The following MTOR variants were observed in gnomAD, a reference collection of about 807,000 sequenced individuals.
MTOR encodes the protein mechanistic target of rapamycin kinase.
MTOR carries 70 observed loss-of-function variants against 319.8 expected under a neutral mutation model. The observed-to-expected ratio is 0.22, with a 90% CI of 0.18 to 0.27. The LOEUF (loss-of-function observed/expected upper bound fraction) is 0.27. Among genes scored for constraint, MTOR ranks in the 10% least tolerant of loss-of-function variants. The probability of loss-of-function intolerance (pLI) is 1.00; values close to 1 mark genes in which losing one functional copy is unlikely to be tolerated. For missense variants in MTOR, 1,890 were observed against 3,274.4 expected (o/e 0.58, Z 10.32); for synonymous variants, 1,183 against 1,211.4 (o/e 0.98, Z 0.49).
chr1:11,117,167 G>T, intron 49 of MTOR, 81 bp from the exon 50 acceptor site: 1 of 1,209,934 alleles, frequency 8.3e-7, no homozygotes, highest in Non-Finnish European at 1.2e-6. Context: ...GCTGTCTTTG[G>T]TTTGTACTTT....
intron 13 of MTOR, among the ~76,000 whole-genome samples, chr1:11,236,548 G>A (rs1242151969): frequency 7.3e-6 from 1 of 136,366 alleles, no homozygotes; most frequent in Admixed American, 7.5e-5. Flanking sequence ...TCGCTCTGTC[G>A]CCAGGCTGGA....
chr1:11,213,020 C>G, intron 21 of MTOR, 112 bp from the exon 22 acceptor site: 1 of 774,846 alleles, frequency 1.3e-6, no homozygotes, highest in Non-Finnish European at 2.2e-6. Context: ...TGGGAAAACT[C>G]TTTATTAAAT....
At chr1:11,143,907 A>G (rs1643830147) in intron 34 of MTOR, 1 of 152,164 alleles carries the variant, frequency 6.6e-6, no homozygotes, top group African/African-American at 2.4e-5. Context: ...GAATGGGATA[A>G]CTGGCCATCC....
At chr1:11,123,939 C>T (rs1642679762) in intron 47 of MTOR, among the ~76,000 whole-genome samples, 1 of 152,126 alleles carries the variant, frequency 6.6e-6, no homozygotes, top group South Asian at 2.1e-4. Context: ...AGGTGGCCGC[C>T]ACCACGCCCA....
At chr1:11,154,248 T>C (rs2100554105) in intron 30 of MTOR, among the ~76,000 whole-genome samples, 1 of 151,394 alleles carries the variant, frequency 6.6e-6, no homozygotes, top group South Asian at 2.1e-4. Flanking sequence ...ACATGCTTCC[T>C]AAATTTATTG....
intron 6 of MTOR, among the ~76,000 whole-genome samples, chr1:11,250,042 G>T (rs1271792477): frequency 7.3e-6 from 1 of 136,448 alleles, no homozygotes; most frequent in African/African-American, 2.7e-5. Flanking sequence ...CTGGCCGGGC[G>T]GGGGGCTGAC....
At chr1:11,130,991 G>A (rs1643121701) in intron 38 of MTOR, 1 of 630,932 alleles carries the variant, frequency 1.6e-6, no homozygotes. Context: ...CGTACTATGA[G>A]TGCACTGCGA....
At chr1:11,220,886 G>T (rs947389227) in intron 19 of MTOR, among the ~76,000 whole-genome samples, 2 of 152,054 alleles carry the variant, frequency 1.3e-5, no homozygotes, top group African/African-American at 4.8e-5. Context: ...AAGGAAGGAA[G>T]AAAACGAGGT....
chr1:11,257,978 C>T (rs1650636431), intron 3 of MTOR, among the ~76,000 whole-genome samples: 1 of 151,970 alleles, frequency 6.6e-6, no homozygotes, highest in African/African-American at 2.4e-5. Flanking sequence ...GGCATGGTGG[C>T]AGGTGCCTGT....
intron 15 of MTOR, among the ~76,000 whole-genome samples, chr1:11,232,783 G>A (rs1314942350): frequency 6.6e-6 from 1 of 152,130 alleles, no homozygotes; most frequent in African/African-American, 2.4e-5. Flanking sequence ...GGTGAGGCAC[G>A]AGAATCACTT....
Position 11,259,374 on chromosome 1 carries a change from A to T in MTOR, c.36T>A (p.Ala12=). 3 of 1,597,116 alleles carry T rather than the reference A, an allele frequency of 1.9e-6. No homozygotes were observed. The highest frequency in any genetic ancestry group is 1.4e-5 in the African/African-American group (1 of 73,904). The change falls in exon 2 of 58, where the codon GCT becomes GCA. Residue 12 remains alanine, a synonymous_variant. Coordinates refer to ENST00000361445, the MANE Select transcript of MTOR (RefSeq NM_004958.4). ...CGCTCACATTGCTAGATGTGGTGGCAGCGGTGGTGGCGGCGGCAGGTCCGG... is the reference window on the plus strand; with the variant it reads ...CGCTCACATTGCTAGATGTGGTGGCTGCGGTGGTGGCGGCGGCAGGTCCGG... ...LGTGPAAATT[A]ATTSSNVSVL... is the part of the protein sequence containing the mutation.
At chr1:11,116,913 A>G in intron 50 of MTOR, 91 bp downstream of exon 50, 1 of 938,344 alleles carries the variant, frequency 1.1e-6, no homozygotes, top group South Asian at 1.6e-5. Flanking sequence ...TTTACCAAAA[A>G]GCCATATATT....
intron 19 of MTOR, among the ~76,000 whole-genome samples, chr1:11,221,759 CTA>C (rs1646670512): frequency 6.8e-6 from 1 of 146,676 alleles, no homozygotes; most frequent in African/African-American, 2.6e-5. Context: ...TAGAAATACT[CTA>C]TATAGAGAGC....
At chr1:11,259,498 C>A (rs1650835521) in intron 1 of MTOR, 75 bp from the exon 2 acceptor site, 2 of 1,443,698 alleles carry the variant, frequency 1.4e-6, no homozygotes, top group South Asian at 1.4e-5. Flanking sequence ...CCTGGTCACC[C>A]AACACAGATC....
In MTOR at chr1:11,158,261, T is replaced by C. The variant is rs118096707; in HGVS notation, c.4330-970A>G. ...TGATTCTGCAGTGAAATTTGTATGATATAATGCAGGGCCCACACTAGTTTC... is the reference window on the plus strand; with the variant it reads ...TGATTCTGCAGTGAAATTTGTATGACATAATGCAGGGCCCACACTAGTTTC... On this transcript the variant is annotated intron_variant, in intron 29 of 57. Transcript: ENST00000361445. Among the ~76,000 whole-genome samples the C allele has an allele frequency of 2.0e-5, 3 of 152,330 alleles. No individual in the cohort carries two copies. The East Asian group carries it at 5.8e-4, about 29-fold the overall frequency.
intron 17 of MTOR, 52 bp downstream of exon 17, chr1:11,231,248 T>C (rs962573134): frequency 6.2e-7 from 1 of 1,610,066 alleles, no homozygotes; most frequent in Non-Finnish European, 8.5e-7. Context: ...CATCTCTCTC[T>C]TGCCATCGTC....
At chr1:11,195,052 G>GA (rs771315180) in intron 28 of MTOR, 254 of 1,609,108 alleles carry the variant, frequency 1.6e-4, no homozygotes, top group Non-Finnish European at 2.1e-4. Context: ...CACGGATACA[G>GA]AAACTGAGAC....
chr1:11,189,782 A>G (rs746995672), intron 28 of MTOR: 1 of 1,614,226 alleles, frequency 6.2e-7, no homozygotes, highest in Non-Finnish European at 8.5e-7. Flanking sequence ...GAACTGAACA[A>G]GAAGCAGGAG....
At position 11,257,566 on chromosome 1, in the gene MTOR, GAAAA is replaced by G. The variant is rs70977557; in HGVS notation, c.272-405_272-402del. The stretch of plus-strand genomic sequence containing the variant: ...CGACAGAGTGAGACTCTGTCTCAGA[GAAAA>G]AAAAAAAAAAAAAAAAAAAAATCTG... On this transcript the variant is annotated intron_variant, in intron 3 of 57. Transcript: ENST00000361445. Among the ~76,000 whole-genome samples, 159 of 64,838 alleles carry G rather than the reference GAAAA, an allele frequency of 2.5e-3. 1 individual carries two copies. The highest frequency in any genetic ancestry group is 8.5e-3 in the African/African-American group (146 of 17,236). 42.5% of individuals were successfully genotyped at this position (64,838 alleles called of 152,430 possible).
Sources: allele counts gnomAD v4.1 joint callset (sites outside exome capture counted in the v4.1 genomes callset), GRCh38; gene constraint gnomAD v4.1.1; transcripts MANE v1.5; gene names NCBI Gene and HGNC (gene_info 2026-07-23, HGNC 2026-07-21).